Variants in PAK2 observed in about 807,000 individuals in gnomAD.
PAK2 encodes the protein p21 (RAC1) activated kinase 2, also known as serine/threonine-protein kinase PAK 2.
In PAK2, 21 loss-of-function variants were observed where a neutral mutation model predicts 65.9. The observed-to-expected ratio is 0.32, with a 90% confidence interval of 0.23 to 0.46. PAK2 has a LOEUF of 0.46. PAK2 is among the 20% of genes least tolerant of loss of function. The pLI, the probability that PAK2 is intolerant of heterozygous loss-of-function variation, is 1.00. For missense variants in PAK2, 324 were observed against 642.6 expected (o/e 0.50, Z 5.36); for synonymous variants, 204 against 219.7 (o/e 0.93, Z 0.63).
chr3:196,823,569 A>AAAC (rs1462207825), intron 13 of PAK2, among the ~76,000 whole-genome samples: 1 of 149,620 alleles, frequency 6.7e-6, no homozygotes, highest in Non-Finnish European at 1.5e-5. Flanking sequence ...ACAAACAAAC[A>AAAC]AAAAAAACAC....
At chr3:196,775,604 A>G (rs1714512591) in intron 1 of PAK2, among the ~76,000 whole-genome samples, 1 of 152,062 alleles carries the variant, frequency 6.6e-6, no homozygotes, top group Non-Finnish European at 1.5e-5. Flanking sequence ...GATGGTCTCG[A>G]TCTCTTGACC....
chr3:196,781,510 G>A (rs528776833), intron 1 of PAK2, among the ~76,000 whole-genome samples: 1 of 152,316 alleles, frequency 6.6e-6, no homozygotes, highest in African/African-American at 2.4e-5. Flanking sequence ...CCTGAGGGAT[G>A]TGGCCACACT....
chr3:196,798,596 A>G (rs1715329010), intron 2 of PAK2, among the ~76,000 whole-genome samples: 1 of 152,112 alleles, frequency 6.6e-6, no homozygotes, highest in African/African-American at 2.4e-5. Context: ...CCTCTGCCTC[A>G]GCCTCCCAAA....
intron 13 of PAK2, among the ~76,000 whole-genome samples, chr3:196,825,239 G>A (rs1190278424): frequency 1.7e-5 from 1 of 60,218 alleles, no homozygotes; most frequent in African/African-American, 1.0e-4. Flanking sequence ...CCAGCTACTC[G>A]GGAGGCTGAG....
chr3:196,803,653 A>G (rs1426891390), intron 4 of PAK2, among the ~76,000 whole-genome samples: 4 of 152,242 alleles, frequency 2.6e-5, no homozygotes, highest in Non-Finnish European at 5.9e-5. Flanking sequence ...TAAAACAGAT[A>G]AATCATATAC....
At chr3:196,779,936 G>A (rs1225823000) in intron 1 of PAK2, among the ~76,000 whole-genome samples, 2 of 152,238 alleles carry the variant, frequency 1.3e-5, no homozygotes, top group African/African-American at 2.4e-5. Context: ...CTCCTAAAGT[G>A]TGGCGTGAGC....
intron 1 of PAK2, among the ~76,000 whole-genome samples, chr3:196,765,511 C>G (rs989680874): frequency 6.6e-6 from 1 of 152,142 alleles, no homozygotes; most frequent in Non-Finnish European, 1.5e-5. Context: ...TAAGAATTCT[C>G]TTTGTGCCAT....
At chr3:196,753,832 T>C (rs1315492069) in intron 1 of PAK2, among the ~76,000 whole-genome samples, 2 of 152,216 alleles carry the variant, frequency 1.3e-5, no homozygotes, top group African/African-American at 4.8e-5. Context: ...CTTGTACATG[T>C]TCACTAATGT....
chr3:196,779,003 T>C (rs1714624924), intron 1 of PAK2, among the ~76,000 whole-genome samples: 2 of 152,218 alleles, frequency 1.3e-5, no homozygotes, highest in South Asian at 4.1e-4. Flanking sequence ...TAATAAGGCA[T>C]GTTTGCCAGG....
intron 14 of PAK2, among the ~76,000 whole-genome samples, chr3:196,827,870 C>T (rs1711935870): frequency 6.8e-6 from 1 of 147,162 alleles, no homozygotes; most frequent in Non-Finnish European, 1.5e-5. Flanking sequence ...TATCAATCCT[C>T]AGACCTGTTT....
At chr3:196,797,237 G>A (rs995982491) in intron 2 of PAK2, among the ~76,000 whole-genome samples, 4 of 152,116 alleles carry the variant, frequency 2.6e-5, no homozygotes, top group Non-Finnish European at 4.4e-5. Context: ...GGCTGAGGCG[G>A]GCAGATCACT....
chr3:196,745,738 C>T (rs572662547), intron 1 of PAK2, among the ~76,000 whole-genome samples: 30 of 151,002 alleles, frequency 2.0e-4, no homozygotes, highest in East Asian at 5.9e-4. Flanking sequence ...TGTCTGAGCC[C>T]GGGAGGCGGA....
intron 1 of PAK2, among the ~76,000 whole-genome samples, chr3:196,766,002 C>T (rs1461363288): frequency 6.6e-6 from 1 of 151,400 alleles, no homozygotes; most frequent in African/African-American, 2.4e-5. Flanking sequence ...CGGGGTCAAG[C>T]GATTCTACCT....
In PAK2 at chr3:196,828,038, C is replaced by A. The variant is rs967612216; in HGVS notation, c.1489-281C>A. ...TCAGACCTGTTTACAGTTTGTGCAT[C>A]GTATCAATCCTCAGACCTGTTTACA... On this transcript the variant is annotated intron_variant, in intron 14 of 14. Transcript: ENST00000327134. 2.9e-3 allele frequency among the ~76,000 whole-genome samples: 425 copies of A among 146,548 alleles called. 8 individuals carry two copies. Among genetic ancestry groups the A allele is most frequent in the African/African-American group, 0.01 (403 of 38,944 alleles).
rs144922097 is a variant in PAK2 at position 196,777,324 on chromosome 3, C to T, written c.-21-5302C>T. 1.6e-3 allele frequency among the ~76,000 whole-genome samples: 239 copies of T among 152,234 alleles called. 2 individuals are homozygous for T. In the East Asian group the frequency reaches 0.032, roughly 20 times the overall value. On this transcript the variant is annotated intron_variant, in intron 1 of 14. Transcript: ENST00000327134. ...GTTCAAGCTATTCTCCTGCCTCAGC[C>T]GCCCGAGTAGCTGGGACTACAGACA...
chr3:196,791,013 A>T lies in PAK2; in HGVS notation c.187+8180A>T, dbSNP rs950010482. 2.6e-5 allele frequency among the ~76,000 whole-genome samples: 4 copies of T among 152,236 alleles called. No homozygotes were observed. The highest frequency in any genetic ancestry group is 5.9e-5 in the Non-Finnish European group (4 of 68,044). On this transcript the variant is annotated intron_variant, in intron 2 of 14. Coordinates refer to ENST00000327134, the MANE Select transcript of PAK2 (RefSeq NM_002577.4). The surrounding 1 kb of genome is among the most constrained non-coding windows in gnomAD (Gnocchi z 4.0). ...CTTCAGCCAAACTTTGAAGCTATGC[A>T]AAACTCCCCGGCCTTCCAAGCAGGT...
chr3:196,740,509 T>C (rs564247239), intron 1 of PAK2, among the ~76,000 whole-genome samples: 5 of 152,316 alleles, frequency 3.3e-5, no homozygotes, highest in Non-Finnish European at 7.4e-5. Flanking sequence ...TGCTCCGTTT[T>C]CTTAATGCTG....
At chr3:196,790,951 T>G (rs973199041) in intron 2 of PAK2, among the ~76,000 whole-genome samples, 1 of 152,222 alleles carries the variant, frequency 6.6e-6, no homozygotes, top group Admixed American at 6.5e-5. Flanking sequence ...TATCTGTACC[T>G]TAAGCTCTCT....
chr3:196,812,246 T>G lies in PAK2; in HGVS notation c.801T>G (p.Thr267=). 3 of 1,592,340 alleles carry G rather than the reference T, an allele frequency of 1.9e-6. No homozygotes were observed. The highest frequency in any genetic ancestry group is 2.6e-6 in the Non-Finnish European group (3 of 1,160,374). ...CTTCTGGTACAGTTTTCACTGCTAC[T>G]GACGTTGCACTGGGACAGGAGGTAG... The part of the protein sequence containing the change: ...QGASGTVFTA[T]DVALGQEVAI... The change falls in exon 9 of 15, where the codon ACT becomes ACG. Residue 267 remains threonine, a synonymous_variant. Coordinates refer to ENST00000327134, the MANE Select transcript of PAK2 (RefSeq NM_002577.4).
Sources: gnomAD v4.1 joint callset for allele counts (sites outside exome capture counted in the v4.1 genomes callset) on GRCh38, gnomAD v4.1.1 for gene constraint, Gnocchi (gnomAD v3.1) non-coding constraint, MANE v1.5 for transcripts, NCBI Gene and HGNC (gene_info 2026-07-23, HGNC 2026-07-21) for gene names.